The following CTNNA3 variants were observed in gnomAD, a reference collection of about 807,000 sequenced individuals.
CTNNA3 encodes catenin alpha 3, also known as catenin alpha-3.
CTNNA3 carries 76 observed loss-of-function variants against 95.7 expected under a neutral mutation model. The observed-to-expected ratio is 0.79, with a 90% confidence interval of 0.66 to 0.96. The LOEUF (loss-of-function observed/expected upper bound fraction) is 0.96, where lower values mean the gene tolerates loss of function less well. Among genes scored for constraint, CTNNA3 ranks in the 40% least tolerant of loss-of-function variants. The probability of loss-of-function intolerance (pLI) is 0.00; values close to 1 mark genes in which losing one functional copy is unlikely to be tolerated. For missense variants in CTNNA3, 1,191 were observed against 1,089.8 expected (o/e 1.09, Z -1.31); for synonymous variants, 431 against 374.4 (o/e 1.15, Z -1.74).
chr10:66,769,683 A>G (rs116175628), intron 8 of CTNNA3, among the ~76,000 whole-genome samples: 1 of 152,146 alleles, frequency 6.6e-6, no homozygotes, highest in Non-Finnish European at 1.5e-5. Context: ...GAAGTTCTTC[A>G]GCGTCCACAC....
At chr10:67,291,623 T>G (rs1170225296) in intron 5 of CTNNA3, among the ~76,000 whole-genome samples, 1 of 152,192 alleles carries the variant, frequency 6.6e-6, no homozygotes, top group East Asian at 1.9e-4. Flanking sequence ...CATAGTCAGC[T>G]GATTCACTGG....
intron 2 of CTNNA3, among the ~76,000 whole-genome samples, chr10:67,618,574 C>G (rs1589496107): frequency 6.6e-6 from 1 of 152,144 alleles, no homozygotes; most frequent in Non-Finnish European, 1.5e-5. Flanking sequence ...TTCTTGTTCT[C>G]TTCTAACACA....
chr10:66,287,033 C>T (rs187957993), intron 12 of CTNNA3, among the ~76,000 whole-genome samples: 41 of 152,180 alleles, frequency 2.7e-4, no homozygotes, highest in Non-Finnish European at 2.5e-4. Flanking sequence ...ATAAGCTTCT[C>T]TGCGAAACTT....
At chr10:66,971,421 C>T (rs1392987624) in intron 7 of CTNNA3, among the ~76,000 whole-genome samples, 2 of 32,794 alleles carry the variant, frequency 6.1e-5, no homozygotes, top group African/African-American at 9.3e-5. Flanking sequence ...AGAGAGACTC[C>T]GTCTCAAAAA....
intron 7 of CTNNA3, among the ~76,000 whole-genome samples, chr10:66,820,679 T>C (rs1346309744): frequency 1.3e-5 from 2 of 151,426 alleles, no homozygotes; most frequent in South Asian, 4.2e-4. Context: ...GTTAGTTGTA[T>C]ATTGGTGACG....
At position 67,580,735 on chromosome 10, in the gene CTNNA3, G is replaced by C. The variant is rs558108387; in HGVS notation, c.292+26122C>G. ...TGTTTGTGTCCTCTTTTATTTCATT[G>C]AGCAGTGGTTTGTAGTTCTCCTTGA... On this transcript the variant is annotated intron_variant, in intron 3 of 17. Coordinates refer to ENST00000433211, the MANE Select transcript of CTNNA3 (RefSeq NM_013266.4). 3.3e-5 allele frequency among the ~76,000 whole-genome samples: 5 copies of C among 152,106 alleles called. No individual in the cohort carries two copies. In the East Asian group the frequency reaches 9.7e-4, roughly 29 times the overall value.
In CTNNA3 at chr10:67,219,867, A is replaced by G; in HGVS notation, c.583T>C (p.Leu195=). 9 of 1,604,266 alleles carry G rather than the reference A, an allele frequency of 5.6e-6. No homozygotes were observed. The highest frequency in any genetic ancestry group is 7.7e-6 in the Non-Finnish European group (9 of 1,173,274). The change falls in exon 6 of 18, where the codon TTA becomes CTA. Residue 195 remains leucine, a synonymous_variant. Coordinates refer to ENST00000433211, the MANE Select transcript of CTNNA3 (RefSeq NM_013266.4). The part of the protein sequence containing the change: ...DYLAFKRQQD[L]KSPNQRDEIA... Reference sequence around the variant, plus strand: ...TCATCTCTCTGATTTGGAGATTTTAAGTCCTGAGAAGGTAAATAAAAAGAG... The same window carrying G: ...TCATCTCTCTGATTTGGAGATTTTAGGTCCTGAGAAGGTAAATAAAAAGAG...
chr10:65,988,774 G>A lies in CTNNA3; in HGVS notation c.2183C>T (p.Thr728Ile), dbSNP rs1278925850. Residue 728 changes from threonine (T) to isoleucine (I), a missense_variant, in exon 16 of 18, where the codon ACA becomes ATA. Transcript: ENST00000433211. ...TTTCGCTGCATAGATCACATCAGTT[G>A]TATGCTTTAGTGGTCCTTTGCCCCT... ...FTRGKGPLKH[T>I]TDVIYAAKMI... 1 of 1,613,530 alleles carries A rather than the reference G, an allele frequency of 6.2e-7. No individual in the cohort carries two copies. Among genetic ancestry groups the A allele is most frequent in the Middle Eastern group, 1.7e-4 (1 of 6,060 alleles).
chr10:67,092,567 C>T (rs1449171011), intron 7 of CTNNA3, among the ~76,000 whole-genome samples: 5 of 151,568 alleles, frequency 3.3e-5, no homozygotes, highest in Non-Finnish European at 7.4e-5. Context: ...ACAAATATAC[C>T]TAGATATTAC....
At chr10:67,757,956 T>G (rs1238784825) in intron 1 of CTNNA3, among the ~76,000 whole-genome samples, 1 of 152,140 alleles carries the variant, frequency 6.6e-6, no homozygotes, top group Non-Finnish European at 1.5e-5. Flanking sequence ...TGAGGGTATC[T>G]CCAGAAGTGA....
intron 7 of CTNNA3, among the ~76,000 whole-genome samples, chr10:67,109,872 T>C (rs927480067): frequency 6.6e-6 from 1 of 152,056 alleles, no homozygotes; most frequent in Non-Finnish European, 1.5e-5. Context: ...AATGAATATA[T>C]TTTAATTTTA....
intron 12 of CTNNA3, among the ~76,000 whole-genome samples, chr10:66,331,646 G>T (rs1181067096): frequency 6.6e-6 from 1 of 151,944 alleles, no homozygotes; most frequent in Non-Finnish European, 1.5e-5. Context: ...GCTCTGTTCT[G>T]TTCCATTGGT....
At chr10:66,273,957 A>G (rs2091335595) in intron 13 of CTNNA3, among the ~76,000 whole-genome samples, 1 of 152,072 alleles carries the variant, frequency 6.6e-6, no homozygotes, top group African/African-American at 2.4e-5. Flanking sequence ...GGAACCTCGA[A>G]GAAAAGACAA....
chr10:67,590,805 T>G (rs7914287), intron 3 of CTNNA3, among the ~76,000 whole-genome samples: 2 of 151,954 alleles, frequency 1.3e-5, no homozygotes, highest in East Asian at 3.9e-4. Flanking sequence ...CCAATATCTT[T>G]TCTCAGTGTA....
At chr10:66,016,657 A>G (rs752718619) in intron 15 of CTNNA3, among the ~76,000 whole-genome samples, 5 of 152,162 alleles carry the variant, frequency 3.3e-5, no homozygotes, top group Non-Finnish European at 7.3e-5. Flanking sequence ...AGGAAAAAAA[A>G]TCTTTAACTT....
chr10:65,938,711 G>C (rs1395880098), intron 17 of CTNNA3, among the ~76,000 whole-genome samples: 1 of 152,022 alleles, frequency 6.6e-6, no homozygotes, highest in African/African-American at 2.4e-5. Flanking sequence ...AGCCTATAAG[G>C]CATCTTTGGC....
rs185321389 is a variant in CTNNA3, at chr10:66,086,497, T to A, written c.1977+16660A>T. ...CTTTCATGGGCATGCGAATTTTTTT[T>A]AAAAAGTAGCAGAATAAACATATGT... On this transcript the variant is annotated intron_variant, in intron 14 of 17. Transcript: ENST00000433211. Among the ~76,000 whole-genome samples the A allele has an allele frequency of 4.5e-3, 689 of 152,180 alleles. 3 individuals carry two copies. The highest frequency in any genetic ancestry group is 0.01 in the Middle Eastern group (3 of 294).
At chr10:66,597,782 T>C (rs950936391) in intron 10 of CTNNA3, among the ~76,000 whole-genome samples, 1 of 151,448 alleles carries the variant, frequency 6.6e-6, no homozygotes, top group African/African-American at 2.4e-5. Flanking sequence ...GGAAAAGCTG[T>C]CCTTCCAAGA....
At chr10:66,936,999 G>C (rs1466656624) in intron 7 of CTNNA3, among the ~76,000 whole-genome samples, 1 of 152,162 alleles carries the variant, frequency 6.6e-6, no homozygotes, top group Non-Finnish European at 1.5e-5. Context: ...AGATTCCTCA[G>C]TATTTTTCTC....
Sources: gnomAD v4.1 joint callset for allele counts (sites outside exome capture counted in the v4.1 genomes callset) on GRCh38, gnomAD v4.1.1 for gene constraint, MANE v1.5 for transcripts, NCBI Gene and HGNC (gene_info 2026-07-23, HGNC 2026-07-21) for gene names.